FHIT: variants seen among roughly 807,000 people sequenced by gnomAD.
The protein encoded by FHIT is fragile histidine triad diadenosine triphosphatase.
Under a neutral mutation model 17.9 loss-of-function variants are expected in FHIT, and 19 were observed. That is an observed-to-expected ratio of 1.06 (90% CI 0.74 to 1.56). The LOEUF (loss-of-function observed/expected upper bound fraction) is 1.56. Ranked by LOEUF, FHIT falls within the 40% of genes most tolerant of loss-of-function variation. The pLI is 0.00. For synonymous variants in FHIT, 81 were observed against 69.7 expected (o/e 1.16, Z -0.81); for missense variants, 248 against 189.2 (o/e 1.31, Z -1.82).
At chr3:60,267,555 T>C (rs900584026) in intron 5 of FHIT, among the ~76,000 whole-genome samples, 3 of 152,134 alleles carry the variant, frequency 2.0e-5, no homozygotes, top group Non-Finnish European at 4.4e-5. Flanking sequence ...AGCATGTTTA[T>C]CCTAGGTCTC....
At chr3:60,195,850 T>C (rs1322371024) in intron 5 of FHIT, among the ~76,000 whole-genome samples, 1 of 148,212 alleles carries the variant, frequency 6.7e-6, no homozygotes, top group East Asian at 2.0e-4. Flanking sequence ...ATACAGAATG[T>C]TATAATGGAC....
At chr3:60,422,626 T>G (rs894077866) in intron 5 of FHIT, among the ~76,000 whole-genome samples, 1 of 152,134 alleles carries the variant, frequency 6.6e-6, no homozygotes, top group Admixed American at 6.6e-5. Flanking sequence ...GAAGCTGGCA[T>G]GCCTTTCCCG....
chr3:59,961,928 A>G (rs1707707167), intron 7 of FHIT, among the ~76,000 whole-genome samples: 1 of 151,942 alleles, frequency 6.6e-6, no homozygotes, highest in Non-Finnish European at 1.5e-5. Context: ...CTTTCCTAAG[A>G]GACATGAGAG....
intron 8 of FHIT, among the ~76,000 whole-genome samples, chr3:59,761,224 G>T (rs544777479): frequency 6.6e-6 from 1 of 152,188 alleles, no homozygotes; most frequent in Non-Finnish European, 1.5e-5. Flanking sequence ...TCGCCCAGTA[G>T]TTCTTTGCTT....
At chr3:60,586,237 A>C (rs1301917606) in intron 4 of FHIT, among the ~76,000 whole-genome samples, 2 of 152,038 alleles carry the variant, frequency 1.3e-5, no homozygotes, top group African/African-American at 4.8e-5. Flanking sequence ...TGAATAAATA[A>C]AGGTAAGCAG....
chr3:60,644,326 A>G (rs115188601), intron 4 of FHIT, among the ~76,000 whole-genome samples: 2,764 of 152,324 alleles, frequency 0.018, 91 homozygotes, highest in African/African-American at 0.062. Flanking sequence ...GGGAGAAAAC[A>G]GTAATACAAG....
rs781817166 is a variant in FHIT, at chr3:60,958,270, A to G, written c.-111+83777T>C. ...TACCTGGTATAGAATAAGGCACGGT[A>G]AAATTCTCTACCTAGACATAAAACC... On this transcript the variant is annotated intron_variant, in intron 3 of 9. Coordinates refer to ENST00000492590, the MANE Select transcript of FHIT (RefSeq NM_002012.4). Among the ~76,000 whole-genome samples, 125 of 152,174 alleles carry G rather than the reference A, an allele frequency of 8.2e-4. 2 individuals are homozygous for G. The highest frequency in any genetic ancestry group is 8.1e-4 in the Non-Finnish European group (55 of 68,034).
intron 4 of FHIT, among the ~76,000 whole-genome samples, chr3:60,614,823 T>G (rs1262017716): frequency 1.2e-5 from 1 of 83,810 alleles, no homozygotes; most frequent in Non-Finnish European, 3.2e-5. Flanking sequence ...TTTTTTTGTT[T>G]TTTTTTTGTT....
chr3:60,193,677 A>C (rs1702501729), intron 5 of FHIT, among the ~76,000 whole-genome samples: 1 of 152,174 alleles, frequency 6.6e-6, no homozygotes, highest in Admixed American at 6.5e-5. Flanking sequence ...TTCTGGGGCC[A>C]ATCAAGTGCT....
At position 60,084,670 on chromosome 3, in the gene FHIT, C is replaced by T. The variant is rs146206835; in HGVS notation, c.104-70518G>A. Among the ~76,000 whole-genome samples the T allele has an allele frequency of 4.4e-4, 67 of 152,176 alleles. 2 individuals are homozygous for T. In the South Asian group the frequency reaches 0.01, roughly 23 times the overall value. On this transcript the variant is annotated intron_variant, in intron 5 of 9. Coordinates refer to ENST00000492590, the MANE Select transcript of FHIT (RefSeq NM_002012.4). ...ACAGAGAAAATGATACGAGTAAACACGCTGAGGACTTTAGACTCAGCATAT... is the reference window on the plus strand; with the variant it reads ...ACAGAGAAAATGATACGAGTAAACATGCTGAGGACTTTAGACTCAGCATAT...
chr3:60,174,493 T>C (rs1256952343), intron 5 of FHIT, among the ~76,000 whole-genome samples: 2 of 152,176 alleles, frequency 1.3e-5, no homozygotes, highest in African/African-American at 4.8e-5. Context: ...CTGTTGGCCT[T>C]TCTAACTGGA....
chr3:60,861,803 C>A (rs980478010), intron 3 of FHIT, among the ~76,000 whole-genome samples: 1 of 151,902 alleles, frequency 6.6e-6, no homozygotes, highest in African/African-American at 2.4e-5. Flanking sequence ...TAAATATAAT[C>A]CTTTTTTAAA....
intron 4 of FHIT, among the ~76,000 whole-genome samples, chr3:60,802,718 C>T (rs1012396153): frequency 1.3e-5 from 2 of 151,832 alleles, no homozygotes; most frequent in African/African-American, 4.8e-5. Flanking sequence ...TATTAGTAAA[C>T]CTAATATGCT....
rs59885844 is a variant in FHIT at position 60,249,689 on chromosome 3, G to GACACACACACACACACACACACACACAC, written c.104-235565_104-235538dup. Reference sequence around the variant, plus strand: ...CACAATATCAAGGAAATACAGCCAAGACACACACACACACACACACACACA... The same window carrying GACACACACACACACACACACACACACAC: ...CACAATATCAAGGAAATACAGCCAAGACACACACACACACACACACACACACACACACACACACACACACACACACACA... On this transcript the variant is annotated intron_variant, in intron 5 of 9. Transcript: ENST00000492590. Among the ~76,000 whole-genome samples, 492 of 137,350 alleles carry GACACACACACACACACACACACACACAC rather than the reference G, an allele frequency of 3.6e-3. 2 individuals carry two copies. Among genetic ancestry groups the GACACACACACACACACACACACACACAC allele is most frequent in the Non-Finnish European group, 5.6e-3 (364 of 64,818 alleles). The allele number at this position is 137,350 out of a possible 152,430, so 90.1% of individuals were successfully genotyped here. A position where few individuals can be genotyped will look rare whatever the true frequency, so the allele number is the denominator to read the frequency against.
intron 4 of FHIT, among the ~76,000 whole-genome samples, chr3:60,719,480 A>C (rs1340147349): frequency 6.6e-6 from 1 of 152,132 alleles, no homozygotes; most frequent in African/African-American, 2.4e-5. Context: ...TATGATTAAG[A>C]TCATGGTCTT....
intron 5 of FHIT, among the ~76,000 whole-genome samples, chr3:60,249,864 G>C (rs931906855): frequency 6.6e-6 from 1 of 152,102 alleles, no homozygotes; most frequent in African/African-American, 2.4e-5. Context: ...GGCCTCACAC[G>C]CATGCCAGGT....
At position 59,973,219 on chromosome 3, in the gene FHIT, G is replaced by A. The variant is rs775530317; in HGVS notation, c.279+38152C>T. Among the ~76,000 whole-genome samples the A allele has an allele frequency of 3.3e-4, 50 of 152,018 alleles. 1 individual carries two copies. The highest frequency in any genetic ancestry group is 1.7e-3 in the South Asian group (8 of 4,812). On this transcript the variant is annotated intron_variant, in intron 7 of 9. Transcript: ENST00000492590. ...CTCTAATCTGTCTTCCATCCTAACC[G>A]TATAGTGACGCTCTTGAAACACAAT...
chr3:60,879,290 C>A (rs571471668), intron 3 of FHIT, among the ~76,000 whole-genome samples: 1 of 152,246 alleles, frequency 6.6e-6, no homozygotes, highest in African/African-American at 2.4e-5. Context: ...ATTCAGGCAT[C>A]CACAGTTACT....
intron 5 of FHIT, among the ~76,000 whole-genome samples, chr3:60,047,988 T>A (rs985509299): frequency 1.8e-4 from 27 of 152,176 alleles, no homozygotes; most frequent in Non-Finnish European, 2.8e-4. Context: ...AAACTGAAAG[T>A]CCAAGATCAA....
Sources: gnomAD v4.1 joint callset for allele counts (sites outside exome capture counted in the v4.1 genomes callset) on GRCh38, gnomAD v4.1.1 for gene constraint, MANE v1.5 for transcripts, NCBI Gene and HGNC (gene_info 2026-07-23, HGNC 2026-07-21) for gene names.